UROC1: variants seen among roughly 807,000 people sequenced by gnomAD.
The protein encoded by UROC1 is urocanate hydratase 1, also known as urocanate hydratase.
In UROC1, 79 loss-of-function variants were observed where a neutral mutation model predicts 89.5. The observed-to-expected ratio is 0.88, with a 90% CI of 0.74 to 1.06. The LOEUF is 1.06. Ranked by LOEUF, UROC1 falls within the 50% of genes least tolerant of loss-of-function variation. UROC1 has a pLI of 0.00. For missense variants in UROC1, 885 were observed against 907.8 expected, an observed-to-expected ratio of 0.97 and a Z score of 0.32; for synonymous variants, 361 against 354.8, an observed-to-expected ratio of 1.02 and a Z score of -0.20.
At chr3:126,510,039 G>A (rs951515475) in intron 2 of UROC1, among the ~76,000 whole-genome samples, 4 of 152,246 alleles carry the variant, frequency 2.6e-5, no homozygotes, top group African/African-American at 9.6e-5. Context: ...GCAGGTGCCA[G>A]GCCCGGAGGT....
At chr3:126,490,831 G>A (rs1031134540) in intron 16 of UROC1, among the ~76,000 whole-genome samples, 1 of 152,178 alleles carries the variant, frequency 6.6e-6, no homozygotes, top group Non-Finnish European at 1.5e-5. Flanking sequence ...AGTCAGGAGA[G>A]GGAGCACGCA....
In UROC1 at chr3:126,483,481, G is replaced by C. The variant is rs1388779709; in HGVS notation, c.1791-13C>G. 5.0e-6 allele frequency: 8 copies of C among 1,612,752 alleles called. No homozygotes were observed. Among genetic ancestry groups the C allele is most frequent in the Middle Eastern group, 1.6e-4 (1 of 6,084 alleles). ...GATCACCTCACCCCTGCAGGAGGCAGAGGAGTTTCCAGTTCATTCCTGGGG... is the reference window on the plus strand; with the variant it reads ...GATCACCTCACCCCTGCAGGAGGCACAGGAGTTTCCAGTTCATTCCTGGGG... On this transcript the variant is annotated splice_polypyrimidine_tract_variant and intron_variant, in intron 18 of 19. Transcript: ENST00000290868.
Position 126,492,530 on chromosome 3 carries a change from G to A in UROC1, c.1510-14C>T. On this transcript the variant is annotated splice_polypyrimidine_tract_variant and intron_variant, in intron 15 of 19. Transcript: ENST00000290868. ...GGAGCCCACCACCTGAGGAGAGAAG[G>A]GCAACTGGCATCTCAGCCAACATAG... 1 of 1,604,750 alleles carries A rather than the reference G, an allele frequency of 6.2e-7. No homozygotes were observed. Among genetic ancestry groups the A allele is most frequent in the Non-Finnish European group, 8.5e-7 (1 of 1,175,926 alleles).
chr3:126,495,419 G>C (rs1935754011), intron 15 of UROC1, among the ~76,000 whole-genome samples: 1 of 152,150 alleles, frequency 6.6e-6, no homozygotes, highest in Admixed American at 6.6e-5. Context: ...TTTTGTGACT[G>C]GGTTATTTCA....
Position 126,482,483 on chromosome 3 carries a change from C to T in UROC1, c.1893G>A (p.Val631=), listed in dbSNP as rs1270031834. Reference sequence around the variant, plus strand: ...GGTTCCCTGACCAGCAGCGCCGGGCCACCTAGGGCAAGGAGGGGGATAGCA... The same window carrying T: ...GGTTCCCTGACCAGCAGCGCCGGGCTACCTAGGGCAAGGAGGGGGATAGCA... ...LMLSWDVSNG[V]ARRCWSGNQK... The change falls in exon 20 of 20, where the codon GTG becomes GTA. Residue 631 remains valine, a splice_region_variant and synonymous_variant. Coordinates refer to ENST00000290868, the MANE Select transcript of UROC1 (RefSeq NM_144639.3). 1 of 1,613,828 alleles carries T rather than the reference C, an allele frequency of 6.2e-7. No individual in the cohort carries two copies.
At chr3:126,501,729 A>C in intron 9 of UROC1, 14 of 1,522,148 alleles carry the variant, frequency 9.2e-6, no homozygotes, top group Non-Finnish European at 1.2e-5. Flanking sequence ...TGCAGGTAGT[A>C]GAGATATCAA....
chr3:126,485,395 C>T (rs1216204266), intron 18 of UROC1, among the ~76,000 whole-genome samples: 117 of 137,292 alleles, frequency 8.5e-4, no homozygotes, highest in Non-Finnish European at 2.4e-4. Flanking sequence ...GGCTGTCCAT[C>T]GGGGCATCAT....
At chr3:126,500,467 C>T (rs1318313045) in intron 11 of UROC1, among the ~76,000 whole-genome samples, 4 of 152,200 alleles carry the variant, frequency 2.6e-5, no homozygotes, top group Non-Finnish European at 4.4e-5. Context: ...GGCGCCATGC[C>T]GGGACTACAC....
intron 19 of UROC1, 150 bp from the exon 20 acceptor site, chr3:126,482,635 C>T (rs889439076): frequency 1.2e-5 from 14 of 1,200,982 alleles, no homozygotes; most frequent in Middle Eastern, 5.3e-4. Flanking sequence ...CATTTCCACC[C>T]CCAGCTTAGG....
rs1430587614 is a variant in UROC1 at position 126,481,460 on chromosome 3, C to T, written c.*885G>A. 2.6e-5 allele frequency: 4 copies of T among 152,336 alleles called. No homozygotes were observed. The East Asian group carries it at 5.8e-4, about 22-fold the overall frequency. The allele number at this position is 152,336 out of a possible 1,614,324, so 9.4% of individuals were successfully genotyped here. A position where few individuals can be genotyped will look rare whatever the true frequency, so the allele number is the denominator to read the frequency against. ...CAGTGGCCTGCCCCTCTCCAATCCA[C>T]CGACATGTGGGGTGTCTGGTTTTCT... is the stretch of plus-strand genomic sequence containing the variant. On this transcript the variant is annotated 3_prime_UTR_variant, in exon 20 of 20. Transcript: ENST00000290868.
chr3:126,508,907 G>A (rs1936131262), intron 3 of UROC1, among the ~76,000 whole-genome samples: 3 of 152,146 alleles, frequency 2.0e-5, no homozygotes. Context: ...GGGTGCCCAA[G>A]ACAGGCACAT....
At chr3:126,509,553 C>G (rs1936149995) in intron 3 of UROC1, 32 bp downstream of exon 3, 1 of 1,521,976 alleles carries the variant, frequency 6.6e-7, no homozygotes, top group Non-Finnish European at 8.9e-7. Flanking sequence ...TTCTGCTGGA[C>G]AGTGCTGGGC....
In UROC1 at chr3:126,500,039, C is replaced by T. The variant is rs377038013; in HGVS notation, c.1243+18G>A. 1.9e-5 allele frequency: 30 copies of T among 1,609,786 alleles called. No individual in the cohort carries two copies. In the African/African-American group the frequency reaches 2.7e-4, roughly 14 times the overall value. On this transcript the variant is annotated intron_variant, in intron 12 of 19. Transcript: ENST00000290868. ...GGGTGGTGGCCCCTCCCTCCTCCTCCCTCCTCCTTCCTCCTACCTGCTCTC... is the reference window on the plus strand; with the variant it reads ...GGGTGGTGGCCCCTCCCTCCTCCTCTCTCCTCCTTCCTCCTACCTGCTCTC...
intron 13 of UROC1, among the ~76,000 whole-genome samples, chr3:126,499,127 T>C (rs1457200579): frequency 6.6e-6 from 1 of 151,724 alleles, no homozygotes; most frequent in Non-Finnish European, 1.5e-5. Context: ...GAGGCGTCTC[T>C]CGTCTGCATT....
chr3:126,502,424 GTGTT>G (rs1560123297), intron 9 of UROC1, among the ~76,000 whole-genome samples: 1 of 151,776 alleles, frequency 6.6e-6, no homozygotes, highest in Non-Finnish European at 1.5e-5. Flanking sequence ...TGTGTGTTAT[GTGTT>G]TGTGTTTATT....
Position 126,482,492 on chromosome 3 carries a change from C to T in UROC1, c.1891-7G>A, listed in dbSNP as rs1226335463. The stretch of plus-strand genomic sequence containing the variant: ...ACCAGCAGCGCCGGGCCACCTAGGG[C>T]AAGGAGGGGGATAGCAGTCCATGTC... On this transcript the variant is annotated splice_polypyrimidine_tract_variant and splice_region_variant and intron_variant, in intron 19 of 19. Coordinates refer to ENST00000290868, the MANE Select transcript of UROC1 (RefSeq NM_144639.3). 3 of 1,613,842 alleles carry T rather than the reference C, an allele frequency of 1.9e-6. No individual in the cohort carries two copies. Among genetic ancestry groups the T allele is most frequent in the Non-Finnish European group, 2.5e-6 (3 of 1,180,002 alleles).
intron 3 of UROC1, among the ~76,000 whole-genome samples, 190 bp from the exon 4 acceptor site, chr3:126,508,665 C>T (rs1020386069): frequency 6.6e-6 from 1 of 152,122 alleles, no homozygotes; most frequent in African/African-American, 2.4e-5. Flanking sequence ...AAGGGTTCAG[C>T]TTGGGGTCAG....
chr3:126,507,684 A>C, intron 6 of UROC1, 58 bp downstream of exon 6: 1 of 1,562,542 alleles, frequency 6.4e-7, no homozygotes, highest in Non-Finnish European at 8.8e-7. Flanking sequence ...ACTTTGCTTT[A>C]TAATGACCCA....
At chr3:126,502,298 GTC>G (rs1356925022) in intron 9 of UROC1, among the ~76,000 whole-genome samples, 1 of 108,518 alleles carries the variant, frequency 9.2e-6, no homozygotes, top group East Asian at 2.9e-4. Flanking sequence ...TGTGCTGTGT[GTC>G]TCTGTGCATG....
Sources: allele counts gnomAD v4.1 joint callset (sites outside exome capture counted in the v4.1 genomes callset), GRCh38; gene constraint gnomAD v4.1.1; transcripts MANE v1.5; gene names NCBI Gene and HGNC (gene_info 2026-07-23, HGNC 2026-07-21).